The following ENOX1 variants were observed in gnomAD, a reference collection of about 807,000 sequenced individuals.
ENOX1 encodes the protein ecto-NOX disulfide-thiol exchanger 1.
A neutral mutation model predicts 82.5 loss-of-function variants in ENOX1; 42 were observed. The ratio of observed to expected loss-of-function variants is 0.51; its 90% CI spans 0.40 to 0.66. ENOX1 has a LOEUF of 0.66. Ranked by LOEUF, ENOX1 falls within the 30% of genes least tolerant of loss-of-function variation. ENOX1 has a pLI of 0.00. For missense variants in ENOX1, 608 were observed against 811.6 expected (o/e 0.75, Z 3.05); for synonymous variants, 271 against 282.2 (o/e 0.96, Z 0.40).
rs963552564 is a variant in ENOX1, at chr13:43,361,134, T to C, written c.382+145A>G. 1.0e-5 allele frequency: 8 copies of C among 770,792 alleles called. No homozygotes were observed. The East Asian group carries it at 2.2e-4, about 21-fold the overall frequency. 47.7% of individuals were successfully genotyped at this position (770,792 alleles called of 1,614,324 possible). A position where few individuals can be genotyped will look rare whatever the true frequency, so the allele number is the denominator to read the frequency against. Reference sequence around the variant, plus strand: ...ACATCCCTGTATATTTATTGTAACCTAGAGACAAAAGGCCTTCTGTAGAAC... The same window carrying C: ...ACATCCCTGTATATTTATTGTAACCCAGAGACAAAAGGCCTTCTGTAGAAC... On this transcript the variant is annotated intron_variant, in intron 6 of 16. Transcript: ENST00000690772.
At chr13:43,504,655 G>T (rs1052405414) in intron 2 of ENOX1, among the ~76,000 whole-genome samples, 1 of 151,582 alleles carries the variant, frequency 6.6e-6, no homozygotes, top group Non-Finnish European at 1.5e-5. Context: ...GTTGCCAAGG[G>T]CCAGAGGAAG....
chr13:43,295,642 A>G (rs1280602304), intron 12 of ENOX1, among the ~76,000 whole-genome samples: 1 of 152,182 alleles, frequency 6.6e-6, no homozygotes, highest in Non-Finnish European at 1.5e-5. Context: ...AAATGGTGAC[A>G]TATGGGAGGC....
intron 2 of ENOX1, among the ~76,000 whole-genome samples, chr13:43,613,251 T>C (rs988885180): frequency 6.6e-6 from 1 of 152,196 alleles, no homozygotes; most frequent in Non-Finnish European, 1.5e-5. Context: ...AAGTTCATTA[T>C]ATTTATTACA....
intron 5 of ENOX1, among the ~76,000 whole-genome samples, chr13:43,369,879 G>A (rs2051106769): frequency 6.6e-6 from 1 of 152,222 alleles, no homozygotes; most frequent in Admixed American, 6.5e-5. Context: ...CCTGGCAGAT[G>A]CCTACTGGGG....
chr13:43,440,079 A>C (rs1158083761), intron 3 of ENOX1, among the ~76,000 whole-genome samples: 1 of 152,228 alleles, frequency 6.6e-6, no homozygotes, highest in Non-Finnish European at 1.5e-5. Flanking sequence ...AAAATTAAAA[A>C]TAGGGAATAA....
intron 3 of ENOX1, among the ~76,000 whole-genome samples, chr13:43,445,969 G>A (rs1030454653): frequency 2.0e-5 from 3 of 152,100 alleles, no homozygotes; most frequent in Admixed American, 2.0e-4. Flanking sequence ...CTCCCACGAG[G>A]AAAACATCTC....
At chr13:43,264,301 T>C (rs1056195422) in intron 14 of ENOX1, among the ~76,000 whole-genome samples, 1 of 152,230 alleles carries the variant, frequency 6.6e-6, no homozygotes, top group Non-Finnish European at 1.5e-5. Context: ...CAACTTCCTG[T>C]ACACTTATCA....
At chr13:43,598,547 T>C (rs896089062) in intron 2 of ENOX1, among the ~76,000 whole-genome samples, 1 of 152,204 alleles carries the variant, frequency 6.6e-6, no homozygotes, top group African/African-American at 2.4e-5. Context: ...TCCACTTGCA[T>C]GGTCTATGGG....
At chr13:43,339,571 A>G (rs2048937686) in intron 9 of ENOX1, among the ~76,000 whole-genome samples, 1 of 152,234 alleles carries the variant, frequency 6.6e-6, no homozygotes, top group Non-Finnish European at 1.5e-5. Flanking sequence ...CCAGTTTGCC[A>G]ATACACCTGC....
chr13:43,697,435 A>T (rs548482773), intron 1 of ENOX1, among the ~76,000 whole-genome samples: 10 of 152,190 alleles, frequency 6.6e-5, no homozygotes, highest in Non-Finnish European at 1.3e-4. Flanking sequence ...TTAGGGCTCA[A>T]CCTTGAGGAA....
chr13:43,465,393 T>A (rs1048237292), intron 3 of ENOX1, among the ~76,000 whole-genome samples: 1 of 152,256 alleles, frequency 6.6e-6, no homozygotes, highest in Non-Finnish European at 1.5e-5. Context: ...GGGAGCTCTA[T>A]TAAATTGGTT....
chr13:43,669,019 T>C (rs1196551366), intron 1 of ENOX1, among the ~76,000 whole-genome samples: 2 of 152,196 alleles, frequency 1.3e-5, no homozygotes, highest in Non-Finnish European at 2.9e-5. Context: ...CCCTTTCAAC[T>C]ATCCTACAAG....
intron 5 of ENOX1, among the ~76,000 whole-genome samples, chr13:43,388,323 A>G (rs2052557730): frequency 6.6e-6 from 1 of 152,214 alleles, no homozygotes; most frequent in South Asian, 2.1e-4. Flanking sequence ...TGAAAAAAGT[A>G]ATATCTTAAA....
chr13:43,514,093 ATCTATCTACT>A (rs1200589248), intron 2 of ENOX1, among the ~76,000 whole-genome samples: 1 of 152,182 alleles, frequency 6.6e-6, no homozygotes, highest in Non-Finnish European at 1.5e-5. Context: ...GAACAATAAT[ATCTATCTACT>A]TCATGTTCAC....
At chr13:43,333,481 T>C (rs1468109375) in intron 9 of ENOX1, among the ~76,000 whole-genome samples, 1 of 152,258 alleles carries the variant, frequency 6.6e-6, no homozygotes, top group Non-Finnish European at 1.5e-5. Flanking sequence ...GTTGGCTCGA[T>C]GCTAAGTCAT....
At chr13:43,576,186 T>A (rs1207189683) in intron 2 of ENOX1, among the ~76,000 whole-genome samples, 1 of 152,140 alleles carries the variant, frequency 6.6e-6, no homozygotes, top group East Asian at 1.9e-4. Context: ...TGGCACCAAA[T>A]CCTTAACACA....
At chr13:43,506,287 T>C (rs1276072196) in intron 2 of ENOX1, among the ~76,000 whole-genome samples, 8 of 151,888 alleles carry the variant, frequency 5.3e-5, no homozygotes, top group Admixed American at 2.0e-4. Flanking sequence ...CACAATGAGA[T>C]ACCATCTCAC....
At chr13:43,777,752 G>T (rs1326003007) in intron 1 of ENOX1, among the ~76,000 whole-genome samples, 2 of 151,718 alleles carry the variant, frequency 1.3e-5, no homozygotes, top group South Asian at 4.2e-4. Flanking sequence ...GTTTCACCAC[G>T]TTGGTCTGGC....
chr13:43,694,624 T>C (rs1296887458), intron 1 of ENOX1, among the ~76,000 whole-genome samples: 3 of 152,230 alleles, frequency 2.0e-5, no homozygotes, highest in Non-Finnish European at 2.9e-5. Context: ...TGAGTGATAC[T>C]TGAAGATTGC....
Sources: gnomAD v4.1 joint callset for allele counts (sites outside exome capture counted in the v4.1 genomes callset) on GRCh38, gnomAD v4.1.1 for gene constraint, MANE v1.5 for transcripts, NCBI Gene and HGNC (gene_info 2026-07-23, HGNC 2026-07-21) for gene names.